Variants in ZBTB7C observed in about 807,000 individuals in gnomAD.
ZBTB7C encodes the protein zinc finger and BTB domain-containing protein 7C.
A neutral mutation model predicts 25.7 loss-of-function variants in ZBTB7C; 8 were observed. That is an observed-to-expected ratio of 0.31 (90% CI 0.18 to 0.56). The LOEUF (loss-of-function observed/expected upper bound fraction) is 0.56, where lower values mean the gene tolerates loss of function less well. Among genes scored for constraint, ZBTB7C ranks in the 20% least tolerant of loss-of-function variants. ZBTB7C has a pLI of 0.91. For synonymous variants in ZBTB7C, 394 were observed against 369.0 expected (o/e 1.07, Z -0.78); for missense variants, 824 against 855.2 (o/e 0.96, Z 0.46).
intron 3 of ZBTB7C, chr18:48,136,875 G>T: frequency 1.2e-6 from 1 of 809,872 alleles, no homozygotes; most frequent in Non-Finnish European, 1.5e-6. Flanking sequence ...AGCGCGTAGC[G>T]AGAATGCCCG....
chr18:48,319,273 G>A (rs2144842902), intron 2 of ZBTB7C, among the ~76,000 whole-genome samples: 1 of 152,196 alleles, frequency 6.6e-6, no homozygotes, highest in African/African-American at 2.4e-5. Flanking sequence ...GTTTTCTGGA[G>A]CCACACACAC....
intron 2 of ZBTB7C, among the ~76,000 whole-genome samples, chr18:48,283,177 C>G (rs2044925946): frequency 6.6e-6 from 1 of 152,074 alleles, no homozygotes; most frequent in Non-Finnish European, 1.5e-5. Flanking sequence ...TAATTCCAGT[C>G]CCAGAAATTT....
chr18:48,250,701 T>C (rs2043825085), intron 2 of ZBTB7C, among the ~76,000 whole-genome samples: 1 of 152,090 alleles, frequency 6.6e-6, no homozygotes, highest in South Asian at 2.1e-4. Context: ...TTTAATGAGA[T>C]TAAGACCTCT....
intron 2 of ZBTB7C, among the ~76,000 whole-genome samples, chr18:48,289,747 T>G (rs2144679336): frequency 6.6e-6 from 1 of 152,162 alleles, no homozygotes; most frequent in South Asian, 2.1e-4. Context: ...ACATGGACCT[T>G]TGGGTCCTAT....
At chr18:48,107,706 C>T (rs529187772) in intron 3 of ZBTB7C, among the ~76,000 whole-genome samples, 3 of 152,128 alleles carry the variant, frequency 2.0e-5, no homozygotes, top group Non-Finnish European at 4.4e-5. Flanking sequence ...ACATGGGAAC[C>T]TCCCTGGACA....
At chr18:48,331,696 T>C (rs1278172842) in intron 2 of ZBTB7C, among the ~76,000 whole-genome samples, 1 of 152,232 alleles carries the variant, frequency 6.6e-6, no homozygotes, top group Non-Finnish European at 1.5e-5. Context: ...GACCCTACCG[T>C]ATTCTATACT....
At chr18:48,042,307 C>T (rs1028015484) in intron 3 of ZBTB7C, among the ~76,000 whole-genome samples, 1 of 152,162 alleles carries the variant, frequency 6.6e-6, no homozygotes, top group African/African-American at 2.4e-5. Flanking sequence ...ACAACAACAA[C>T]AATAAAATAA....
chr18:48,173,646 G>A (rs1274187299), intron 3 of ZBTB7C, among the ~76,000 whole-genome samples: 2 of 152,246 alleles, frequency 1.3e-5, no homozygotes, highest in African/African-American at 4.8e-5. Flanking sequence ...GGCACTCACT[G>A]TCAGGTGCCA....
At chr18:48,215,067 A>C (rs1271539891) in intron 2 of ZBTB7C, among the ~76,000 whole-genome samples, 1 of 152,258 alleles carries the variant, frequency 6.6e-6, no homozygotes. Context: ...GTGAAACATA[A>C]AATGATAAAA....
At chr18:48,335,126 A>G (rs773213102) in intron 2 of ZBTB7C, among the ~76,000 whole-genome samples, 36 of 152,130 alleles carry the variant, frequency 2.4e-4, no homozygotes, top group Non-Finnish European at 1.2e-4. Context: ...CCCAGGCCTC[A>G]CCCCTCCTTA....
intron 3 of ZBTB7C, among the ~76,000 whole-genome samples, chr18:48,167,591 TGTGTGTGCGCGC>T (rs1303246303): frequency 6.0e-5 from 9 of 150,806 alleles, no homozygotes; most frequent in Non-Finnish European, 1.0e-4. Context: ...TGTGTGTGTG[TGTGTGTGCGCGC>T]GTGCACACGC....
intron 2 of ZBTB7C, among the ~76,000 whole-genome samples, chr18:48,270,258 T>C (rs976470312): frequency 5.7e-5 from 8 of 140,262 alleles, no homozygotes; most frequent in Non-Finnish European, 1.1e-4. Flanking sequence ...TCTTTCTTTT[T>C]TTTTTTTTTT....
intron 3 of ZBTB7C, among the ~76,000 whole-genome samples, chr18:48,053,897 G>A (rs1024645574): frequency 1.3e-5 from 2 of 152,222 alleles, no homozygotes; most frequent in African/African-American, 4.8e-5. Context: ...CCTCCAAGGA[G>A]GTGAGGCCCC....
chr18:48,362,705 T>C (rs987612615), intron 1 of ZBTB7C, among the ~76,000 whole-genome samples: 11 of 149,830 alleles, frequency 7.3e-5, no homozygotes, highest in African/African-American at 2.7e-4. Context: ...CTTTTTCGTT[T>C]TCTAAAACAA....
chr18:48,389,234 CTCGTGTGTGTGT>C (rs1171540334), intron 1 of ZBTB7C, among the ~76,000 whole-genome samples: 24 of 55,226 alleles, frequency 4.3e-4, no homozygotes, highest in African/African-American at 1.5e-3. Context: ...CTCTCTCTCT[CTCGTGTGTGTGT>C]GTGTGTGTGT....
chr18:48,059,876 C>T (rs1420900829), intron 3 of ZBTB7C, among the ~76,000 whole-genome samples: 1 of 152,150 alleles, frequency 6.6e-6, no homozygotes, highest in Non-Finnish European at 1.5e-5. Context: ...GGTCCATCCC[C>T]CCACCCGCCC....
chr18:48,183,628 C>T (rs1284510145), intron 3 of ZBTB7C, among the ~76,000 whole-genome samples: 2 of 152,310 alleles, frequency 1.3e-5, no homozygotes, highest in South Asian at 2.1e-4. Flanking sequence ...GGTGCTCACA[C>T]GCATGAGAAT....
At chr18:48,163,211 C>T (rs76587773) in intron 3 of ZBTB7C, among the ~76,000 whole-genome samples, 1 of 152,280 alleles carries the variant, frequency 6.6e-6, no homozygotes, top group Non-Finnish European at 1.5e-5. Flanking sequence ...GGAAAATGAG[C>T]CCTGAGCAAA....
Position 48,029,902 on chromosome 18 carries a change from C to T in ZBTB7C, c.1218G>A (p.Lys406=), listed in dbSNP as rs748317958. 4 of 1,611,284 alleles carry T rather than the reference C, an allele frequency of 2.5e-6. No homozygotes were observed. The highest frequency in any genetic ancestry group is 3.4e-6 in the Non-Finnish European group (4 of 1,179,998). Residue 406 remains lysine (K), a synonymous_variant, in exon 5 of 5, where the codon AAG becomes AAA. Transcript: ENST00000590800. ...TGTGCTTCCGCATGTGGATTTTCAG[C>T]TTGTCCTGCCTGCAATGCAGAGACT... ...ICEVRFTRQD[K]LKIHMRKHTG...
Sources: gnomAD v4.1 joint callset for allele counts (sites outside exome capture counted in the v4.1 genomes callset) on GRCh38, gnomAD v4.1.1 for gene constraint, MANE v1.5 for transcripts, NCBI Gene and HGNC (gene_info 2026-07-23, HGNC 2026-07-21) for gene names.